THNSL1: variants seen among roughly 807,000 people sequenced by gnomAD.
THNSL1 encodes the protein threonine synthase like 1.
A neutral mutation model predicts 50.4 loss-of-function variants in THNSL1; 48 were observed. The observed-to-expected ratio is 0.95, with a 90% CI of 0.76 to 1.21. The LOEUF (loss-of-function observed/expected upper bound fraction) is 1.21, where lower values mean the gene tolerates loss of function less well. Ranked by LOEUF, THNSL1 falls within the 50% of genes most tolerant of loss-of-function variation. The pLI is 0.00. For synonymous variants in THNSL1, 309 were observed against 306.1 expected (o/e 1.01, Z -0.10); for missense variants, 896 against 871.7 (o/e 1.03, Z -0.35).
the THNSL1 span, among the ~76,000 whole-genome samples, chr10:25,011,004 C>T: frequency 6.7e-6 from 1 of 150,182 alleles, no homozygotes; most frequent in Non-Finnish European, 1.5e-5. Context: ...GTTCTAGATC[C>T]CTGAGGAATC....
At chr10:24,953,731 T>C in the THNSL1 span, among the ~76,000 whole-genome samples, 5 of 152,340 alleles carry the variant, frequency 3.3e-5, no homozygotes, top group East Asian at 9.6e-4. Context: ...GCGTCTTTTG[T>C]TCATCTTCGA....
At chr10:24,979,884 C>G in the THNSL1 span, among the ~76,000 whole-genome samples, 131 of 152,322 alleles carry the variant, frequency 8.6e-4, no homozygotes, top group South Asian at 1.4e-3. Context: ...GCCCCGCCCC[C>G]GCCTCCCCAC....
chr10:24,986,797 G>A, the THNSL1 span, among the ~76,000 whole-genome samples: 5 of 152,106 alleles, frequency 3.3e-5, no homozygotes, highest in East Asian at 1.9e-4. Flanking sequence ...AATACGCTAC[G>A]TGCTGACTTT....
chr10:25,023,536 G>A lies in THNSL1; in HGVS notation c.313G>A (p.Asp105Asn). ...WNMSVSEKLQDVGNEQFLEEE... is the reference protein window; with the variant it reads ...WNMSVSEKLQNVGNEQFLEEE... ...TATGAGTGTGTCTGAAAAATTACAGGATGTTGGTAATGAGCAATTTTTAGA... is the reference window on the plus strand; with the variant it reads ...TATGAGTGTGTCTGAAAAATTACAGAATGTTGGTAATGAGCAATTTTTAGA... The change falls in exon 3 of 3, where the codon GAT (aspartate) becomes AAT (asparagine). Residue 105 changes from aspartate (D) to asparagine (N), a missense_variant. Transcript: ENST00000376356. 6.2e-7 allele frequency: 1 copy of A among 1,614,136 alleles called. No individual in the cohort carries two copies. The highest frequency in any genetic ancestry group is 8.5e-7 in the Non-Finnish European group (1 of 1,180,008).
chr10:25,011,984 G>C (rs1850457328), upstream of THNSL1, among the ~76,000 whole-genome samples: 1 of 152,162 alleles, frequency 6.6e-6, no homozygotes, highest in Admixed American at 6.5e-5. Context: ...TCATGGGCTG[G>C]GCCCAGGGCC....
the THNSL1 span, chr10:24,952,410 G>C: frequency 8.3e-7 from 1 of 1,200,008 alleles, no homozygotes; most frequent in African/African-American, 1.5e-5. This position sits in a 1 kb window ranked among gnomAD's most constrained non-coding sequence, Gnocchi z 5.1. Context: ...CGCCGGGAGG[G>C]AGAACAAAGC....
the THNSL1 span, among the ~76,000 whole-genome samples, chr10:24,960,750 C>T: frequency 3.4e-5 from 5 of 146,756 alleles, no homozygotes; most frequent in African/African-American, 1.4e-4. Context: ...CTGCACCCAG[C>T]CTATTTTTTG....
the THNSL1 span, among the ~76,000 whole-genome samples, chr10:24,954,958 T>A: frequency 6.6e-6 from 1 of 152,218 alleles, no homozygotes; most frequent in Non-Finnish European, 1.5e-5. Context: ...TTCTGTTACA[T>A]GTTGTATTAG....
the THNSL1 span, among the ~76,000 whole-genome samples, chr10:24,958,353 T>C: frequency 1.3e-5 from 2 of 152,214 alleles, no homozygotes; most frequent in African/African-American, 4.8e-5. Context: ...TGCTTTTCCA[T>C]AGTGCCGAAC....
the THNSL1 span, among the ~76,000 whole-genome samples, chr10:24,971,426 C>T: frequency 1.3e-5 from 2 of 152,150 alleles, no homozygotes; most frequent in South Asian, 4.1e-4. Flanking sequence ...TTTAATTCAG[C>T]TCTGACTTCC....
chr10:24,967,764 A>ACGATGTG, the THNSL1 span, among the ~76,000 whole-genome samples: 76 of 151,474 alleles, frequency 5.0e-4, no homozygotes, highest in Middle Eastern at 3.4e-3. Context: ...ATGTATATGC[A>ACGATGTG]CGATGTGTGT....
At chr10:24,970,438 G>T in the THNSL1 span, among the ~76,000 whole-genome samples, 82 of 152,266 alleles carry the variant, frequency 5.4e-4, no homozygotes, top group African/African-American at 1.9e-3. Context: ...GGAAGGGTGT[G>T]GTGACCCACA....
the THNSL1 span, among the ~76,000 whole-genome samples, chr10:24,970,018 G>A: frequency 6.6e-6 from 1 of 152,206 alleles, no homozygotes; most frequent in African/African-American, 2.4e-5. Flanking sequence ...GCTGCAAGGG[G>A]CCAGCCCCAT....
the THNSL1 span, among the ~76,000 whole-genome samples, chr10:24,956,470 T>A: frequency 2.0e-5 from 3 of 152,028 alleles, no homozygotes; most frequent in East Asian, 1.9e-4. Flanking sequence ...TATTTATTTT[T>A]TTTTTTTGGT....
chr10:24,957,460 G>A, the THNSL1 span, among the ~76,000 whole-genome samples: 3 of 123,102 alleles, frequency 2.4e-5, no homozygotes, highest in African/African-American at 1.2e-4. Context: ...TTTATTTTGA[G>A]TTGATGTTTG....
the THNSL1 span, among the ~76,000 whole-genome samples, chr10:25,006,759 T>G: frequency 6.6e-6 from 1 of 152,212 alleles, no homozygotes; most frequent in Non-Finnish European, 1.5e-5. Flanking sequence ...AGGACTCAGT[T>G]TGTTTTACTG....
At chr10:25,016,325 C>T (rs1421247058), upstream of THNSL1, among the ~76,000 whole-genome samples, 3 of 152,190 alleles carry the variant, frequency 2.0e-5, no homozygotes, top group Non-Finnish European at 4.4e-5. Flanking sequence ...AATGATGTCC[C>T]CTTAAAAACT....
At chr10:24,989,373 C>T in the THNSL1 span, among the ~76,000 whole-genome samples, 1 of 152,226 alleles carries the variant, frequency 6.6e-6, no homozygotes, top group Non-Finnish European at 1.5e-5. Flanking sequence ...AGCAAAGAGA[C>T]ACCGTCCTTG....
the THNSL1 span, among the ~76,000 whole-genome samples, chr10:24,959,525 GTTT>G: frequency 6.6e-6 from 1 of 152,176 alleles, no homozygotes; most frequent in Non-Finnish European, 1.5e-5. Context: ...AGAAAATGGC[GTTT>G]TGATTCATTA....
Sources: allele counts gnomAD v4.1 joint callset (sites outside exome capture counted in the v4.1 genomes callset), GRCh38; gene constraint gnomAD v4.1.1; non-coding constraint Gnocchi (gnomAD v3.1); transcripts MANE v1.5; gene names NCBI Gene and HGNC (gene_info 2026-07-23, HGNC 2026-07-21).